The following CAMK2A variants were observed in gnomAD, a reference collection of about 807,000 sequenced individuals.
CAMK2A encodes calcium/calmodulin-dependent protein kinase type II subunit alpha.
CAMK2A carries 7 observed loss-of-function variants against 79.2 expected under a neutral mutation model. The ratio of observed to expected loss-of-function variants is 0.09; its 90% CI spans 0.05 to 0.17. The LOEUF is 0.17. CAMK2A is among the 10% of genes least tolerant of loss of function. The pLI, the probability that CAMK2A is intolerant of heterozygous loss-of-function variation, is 1.00. For missense variants in CAMK2A, 214 were observed against 646.4 expected, an observed-to-expected ratio of 0.33 and a Z score of 7.25; for synonymous variants, 242 against 251.7, an observed-to-expected ratio of 0.96 and a Z score of 0.36.
rs1754284858 is a variant in CAMK2A at position 150,221,120 on chromosome 5, T to C, written c.*1590A>G. 1 of 228,284 alleles carries C rather than the reference T, an allele frequency of 4.4e-6. No individual in the cohort carries two copies. Among genetic ancestry groups the C allele is most frequent in the Non-Finnish European group, 8.4e-6 (1 of 118,642 alleles). The allele number at this position is 228,284 out of a possible 1,614,324, so 14.1% of individuals were successfully genotyped here. On this transcript the variant is annotated 3_prime_UTR_variant, in exon 19 of 19. Transcript: ENST00000671881. The stretch of plus-strand genomic sequence containing the variant: ...AGTCGGACACTGAGAATACAACCTC[T>C]ATTTTTTTTTTTAGTCCAAAACATG...
intron 16 of CAMK2A, among the ~76,000 whole-genome samples, chr5:150,230,313 G>A (rs1232274776): frequency 1.9e-4 from 16 of 83,972 alleles, no homozygotes; most frequent in Non-Finnish European, 3.1e-4. Flanking sequence ...GTGAGACTCC[G>A]TCTCAAAAAA....
chr5:150,270,205 A>AT (rs1756689448), intron 2 of CAMK2A, among the ~76,000 whole-genome samples: 1 of 152,180 alleles, frequency 6.6e-6, no homozygotes, highest in Non-Finnish European at 1.5e-5. Flanking sequence ...TGATGATAGG[A>AT]TTTTTTTAAT....
intron 3 of CAMK2A, among the ~76,000 whole-genome samples, chr5:150,260,586 T>A (rs1213186663): frequency 2.6e-5 from 4 of 152,210 alleles, no homozygotes; most frequent in African/African-American, 9.6e-5. Context: ...CCCCACGTGC[T>A]GGAGTGCGGG....
At chr5:150,252,133 A>T (rs1382560831) in intron 7 of CAMK2A, 68 bp from the exon 8 acceptor site, 7 of 1,199,734 alleles carry the variant, frequency 5.8e-6, no homozygotes, top group South Asian at 5.3e-5. Flanking sequence ...CTGGAGCAAG[A>T]TCCTGCTGGA....
intron 2 of CAMK2A, among the ~76,000 whole-genome samples, chr5:150,269,752 A>G (rs1756660062): frequency 6.6e-6 from 1 of 152,330 alleles, no homozygotes; most frequent in African/African-American, 2.4e-5. Flanking sequence ...GTCTGGGAAC[A>G]GGAAGTACCT....
chr5:150,272,934 G>A, intron 2 of CAMK2A, 131 bp downstream of exon 2: 1 of 697,282 alleles, frequency 1.4e-6, no homozygotes, highest in Non-Finnish European at 2.6e-6. Context: ...ACCCCGGGAA[G>A]AGCAGCCCCC....
chr5:150,234,005 G>T (rs1431834844), intron 15 of CAMK2A, among the ~76,000 whole-genome samples: 1 of 152,088 alleles, frequency 6.6e-6, no homozygotes, highest in Admixed American at 6.5e-5. Context: ...TGGAGATGAG[G>T]TTTCACCATG....
At chr5:150,273,207 G>C in intron 1 of CAMK2A, 48 bp from the exon 2 acceptor site, 1 of 1,400,562 alleles carries the variant, frequency 7.1e-7, no homozygotes, top group South Asian at 1.2e-5. Flanking sequence ...CCTGAGGGCT[G>C]TGTCCCTAGG....
At chr5:150,252,113 C>G in intron 7 of CAMK2A, 48 bp from the exon 8 acceptor site, 1 of 1,399,508 alleles carries the variant, frequency 7.1e-7, no homozygotes, top group Non-Finnish European at 1.0e-6. Flanking sequence ...GAGGTTGTCT[C>G]GTAAGTAACC....
intron 15 of CAMK2A, 28 bp downstream of exon 15, chr5:150,238,672 G>T: frequency 1.3e-6 from 2 of 1,587,686 alleles, no homozygotes; most frequent in East Asian, 2.3e-5. Flanking sequence ...AAGTCTAAGG[G>T]GTCCCGACAC....
chr5:150,231,122 G>T (rs918932179), intron 16 of CAMK2A, among the ~76,000 whole-genome samples, 183 bp downstream of exon 16: 2 of 152,236 alleles, frequency 1.3e-5, no homozygotes, highest in African/African-American at 4.8e-5. Flanking sequence ...GCAGTGTCGC[G>T]AACAGAAAGC....
At position 150,257,672 on chromosome 5, in the gene CAMK2A, G is replaced by GCC. The variant is rs914519052; in HGVS notation, c.218-57_218-56dup. 2.2e-6 allele frequency: 3 copies of GCC among 1,383,100 alleles called. No individual in the cohort carries two copies. In the South Asian group the frequency reaches 3.7e-5, roughly 17 times the overall value. The allele number at this position is 1,383,100 out of a possible 1,614,324, so 85.7% of individuals were successfully genotyped here. On this transcript the variant is annotated intron_variant, in intron 3 of 18. Transcript: ENST00000671881. ...GTGGGACACACTGCTGCACAGGCCCGCCCTCCCTCTCTCCCCTCCCGTGTA... is the reference window on the plus strand; with the variant it reads ...GTGGGACACACTGCTGCACAGGCCCGCCCCCTCCCTCTCTCCCCTCCCGTGTA...
chr5:150,227,645 G>T (rs1754662647), intron 17 of CAMK2A, among the ~76,000 whole-genome samples: 1 of 152,174 alleles, frequency 6.6e-6, no homozygotes, highest in African/African-American at 2.4e-5. Flanking sequence ...CTCCTGCAAA[G>T]GAGAGGCCCA....
chr5:150,222,483 A>C lies in CAMK2A; in HGVS notation c.*227T>G. On this transcript the variant is annotated 3_prime_UTR_variant, in exon 19 of 19. Coordinates refer to ENST00000671881, the MANE Select transcript of CAMK2A (RefSeq NM_015981.4). ...ATGCCTGAGGAAGCCCCAGCCTGGC[A>C]GGGGAGAGGGTGGGGGTGAGAGGTG... The C allele has an allele frequency of 1.4e-6, 1 of 703,916 alleles. No homozygotes were observed. The highest frequency in any genetic ancestry group is 2.7e-5 in the East Asian group (1 of 37,408). 43.6% of individuals were successfully genotyped at this position (703,916 alleles called of 1,614,324 possible). A position where few individuals can be genotyped will look rare whatever the true frequency, so the allele number is the denominator to read the frequency against.
intron 2 of CAMK2A, among the ~76,000 whole-genome samples, chr5:150,269,466 G>A (rs1026918267): frequency 3.3e-5 from 5 of 151,424 alleles, no homozygotes; most frequent in Non-Finnish European, 7.4e-5. Flanking sequence ...TCCCTCCTCA[G>A]TCTCCCTCTT....
chr5:150,274,326 A>AC (rs1379781491), intron 1 of CAMK2A, among the ~76,000 whole-genome samples: 1 of 152,154 alleles, frequency 6.6e-6, no homozygotes, highest in African/African-American at 2.4e-5. Flanking sequence ...CCCATTTCCT[A>AC]CCTCATTTGA....
chr5:150,231,404 AAATAATAATAATAATAATAAT>A lies in CAMK2A; in HGVS notation c.1067-45_1067-25del. The A allele has an allele frequency of 8.1e-6, 4 of 492,636 alleles. 1 individual carries two copies. Among genetic ancestry groups the A allele is most frequent in the East Asian group, 3.8e-5 (1 of 26,042 alleles). 30.5% of individuals were successfully genotyped at this position (492,636 alleles called of 1,614,324 possible). A position where few individuals can be genotyped will look rare whatever the true frequency, so the allele number is the denominator to read the frequency against. On this transcript the variant is annotated intron_variant, in intron 15 of 18. Transcript: ENST00000671881. ...CACTGTAAGGCAGAAGGGGACACAG[AAATAATAATAATAATAATAAT>A]AATAATAATAATAATAATAGTGATG...
chr5:150,271,961 G>A (rs556674242), intron 2 of CAMK2A, among the ~76,000 whole-genome samples: 16 of 152,164 alleles, frequency 1.1e-4, no homozygotes, highest in Non-Finnish European at 2.4e-4. Context: ...CACTTCTAAG[G>A]TCTTAAGGCA....
rs1347194595 is a variant in CAMK2A at position 150,289,729 on chromosome 5, G to T, written c.-104C>A. On this transcript the variant is annotated 5_prime_UTR_variant, in exon 1 of 19. Coordinates refer to ENST00000671881, the MANE Select transcript of CAMK2A (RefSeq NM_015981.4). ...GGACCACTTGCCTGCCCGTGCTGCC[G>T]AGTGCAAACAGAGAACCGGTTTGAC... The T allele has an allele frequency of 3.4e-6, 3 of 876,176 alleles. No homozygotes were observed. In the Admixed American group the frequency reaches 5.9e-5, roughly 17 times the overall value. The allele number at this position is 876,176 out of a possible 1,614,324, so 54.3% of individuals were successfully genotyped here.
Sources: gnomAD v4.1 joint callset for allele counts (sites outside exome capture counted in the v4.1 genomes callset) on GRCh38, gnomAD v4.1.1 for gene constraint, MANE v1.5 for transcripts, NCBI Gene and HGNC (gene_info 2026-07-23, HGNC 2026-07-21) for gene names.